The following MEGF10 variants were observed in gnomAD, a reference collection of about 807,000 sequenced individuals.
MEGF10 encodes the protein multiple EGF like domains 10.
MEGF10 carries 86 observed loss-of-function variants against 147.5 expected under a neutral mutation model. The observed-to-expected ratio is 0.58, with a 90% CI of 0.49 to 0.70. The LOEUF is 0.70. Ranked by LOEUF, MEGF10 falls within the 30% of genes least tolerant of loss-of-function variation. MEGF10 has a pLI of 0.00. For missense variants in MEGF10, 1,329 were observed against 1,487.3 expected (o/e 0.89, Z 1.75); for synonymous variants, 478 against 525.5 (o/e 0.91, Z 1.24).
chr5:127,312,486 A>T (rs1247944787), intron 1 of MEGF10, among the ~76,000 whole-genome samples: 1 of 152,212 alleles, frequency 6.6e-6, no homozygotes, highest in African/African-American at 2.4e-5. Flanking sequence ...AGAATAACAA[A>T]GTGCTTCATT....
the MEGF10 span, among the ~76,000 whole-genome samples, chr5:127,239,585 G>T: frequency 1.3e-5 from 2 of 150,884 alleles, no homozygotes; most frequent in Non-Finnish European, 2.9e-5. Context: ...GATGATTGTT[G>T]TAGTACTCTC....
intron 4 of MEGF10, among the ~76,000 whole-genome samples, chr5:127,351,841 A>G (rs907640120): frequency 5.3e-5 from 8 of 152,342 alleles, no homozygotes; most frequent in Admixed American, 4.6e-4. Context: ...TAGCCATGAG[A>G]CTTGCAAAGT....
At chr5:127,397,123 T>C (rs537452456) in intron 6 of MEGF10, among the ~76,000 whole-genome samples, 2 of 152,332 alleles carry the variant, frequency 1.3e-5, no homozygotes, top group South Asian at 4.1e-4. Context: ...CCCGAGAATA[T>C]GTTCATTTAT....
chr5:127,401,714 T>G (rs559189709), intron 7 of MEGF10, among the ~76,000 whole-genome samples: 6 of 152,344 alleles, frequency 3.9e-5, no homozygotes, highest in Non-Finnish European at 7.3e-5. Flanking sequence ...TGAGCCCAAG[T>G]GATACAGCCA....
chr5:127,422,783 A>C lies in MEGF10; in HGVS notation c.1693+11A>C, dbSNP rs1047991799. On this transcript the variant is annotated intron_variant, in intron 13 of 24. Coordinates refer to ENST00000503335, the MANE Select transcript of MEGF10 (RefSeq NM_001256545.2). The stretch of plus-strand genomic sequence containing the variant: ...TCCCCGGATGGTCAGGTGAGAGCCA[A>C]GGACCGCTAATTGAAAGGTGAAACC... 17 of 1,608,844 alleles carry C rather than the reference A, an allele frequency of 1.1e-5. No individual in the cohort carries two copies. Among genetic ancestry groups the C allele is most frequent in the Admixed American group, 1.7e-5 (1 of 59,830 alleles).
chr5:127,251,122 A>G, the MEGF10 span, among the ~76,000 whole-genome samples: 7,178 of 152,186 alleles, frequency 0.047, 285 homozygotes, highest in African/African-American at 0.1. Context: ...CAAATGGTAG[A>G]CAAAATAGCA....
At chr5:127,297,129 A>G (rs2585199) in intron 1 of MEGF10, among the ~76,000 whole-genome samples, 81,048 of 151,918 alleles carry the variant, frequency 0.53, 22,368 homozygotes, top group Middle Eastern at 0.63. Context: ...AACATATCTG[A>G]CTAATTTTTG....
intron 21 of MEGF10, among the ~76,000 whole-genome samples, chr5:127,448,344 T>A (rs1200434423): frequency 6.6e-6 from 1 of 152,200 alleles, no homozygotes; most frequent in Non-Finnish European, 1.5e-5. Flanking sequence ...ATTTTACAGA[T>A]GAGGAAACTG....
At chr5:127,365,570 A>C (rs1430963143) in intron 4 of MEGF10, among the ~76,000 whole-genome samples, 1 of 152,232 alleles carries the variant, frequency 6.6e-6, no homozygotes, top group Admixed American at 6.5e-5. Flanking sequence ...CAGACTGTCC[A>C]CAGCTTTCAT....
intron 16 of MEGF10, among the ~76,000 whole-genome samples, chr5:127,436,046 A>C (rs1765544118): frequency 6.6e-6 from 1 of 152,220 alleles, no homozygotes; most frequent in South Asian, 2.1e-4. Context: ...GACATCGACT[A>C]TAAGTCATTC....
intron 4 of MEGF10, among the ~76,000 whole-genome samples, chr5:127,352,448 G>A (rs1762116636): frequency 6.6e-6 from 1 of 152,156 alleles, no homozygotes; most frequent in Admixed American, 6.5e-5. Flanking sequence ...GATCACCTGA[G>A]GTCAGGAGTT....
chr5:127,396,896 G>C, intron 6 of MEGF10, 118 bp downstream of exon 6: 1 of 1,430,814 alleles, frequency 7.0e-7, no homozygotes, highest in South Asian at 1.4e-5. Flanking sequence ...AGTTACTGAT[G>C]GGTCTAGGCT....
At chr5:127,393,295 A>T (rs528802801) in intron 5 of MEGF10, among the ~76,000 whole-genome samples, 17 of 152,340 alleles carry the variant, frequency 1.1e-4, no homozygotes, top group Non-Finnish European at 2.2e-4. Flanking sequence ...ATAACTGGTC[A>T]AATTCTGCAC....
chr5:127,440,696 T>C, intron 17 of MEGF10, 43 bp from the exon 18 acceptor site: 1 of 1,605,990 alleles, frequency 6.2e-7, no homozygotes, highest in Admixed American at 1.7e-5. Flanking sequence ...AGTGTTTCTC[T>C]TCAGCAGCCT....
In MEGF10 at chr5:127,455,659, A is replaced by G. The variant is rs572236685; in HGVS notation, c.3232+52A>G. The G allele has an allele frequency of 4.1e-6, 6 of 1,472,496 alleles. No homozygotes were observed. The South Asian group carries it at 7.1e-5, about 17-fold the overall frequency. 91.2% of individuals were successfully genotyped at this position (1,472,496 alleles called of 1,614,324 possible). On this transcript the variant is annotated intron_variant, in intron 24 of 24. Coordinates refer to ENST00000503335, the MANE Select transcript of MEGF10 (RefSeq NM_001256545.2). ...CCGAGTGCTTAAGTTTTTAAAAACA[A>G]TTTTAAAGTCTTTACGAATATAATA...
intron 1 of MEGF10, among the ~76,000 whole-genome samples, chr5:127,305,605 C>T (rs1461534027): frequency 2.0e-5 from 3 of 151,850 alleles, no homozygotes; most frequent in Admixed American, 6.6e-5. Context: ...TTTTCTTCCG[C>T]CATTAAAAAA....
At chr5:127,450,947 C>T (rs1031686039) in intron 22 of MEGF10, among the ~76,000 whole-genome samples, 2 of 151,986 alleles carry the variant, frequency 1.3e-5, no homozygotes, top group Non-Finnish European at 2.9e-5. Flanking sequence ...TCAGTAGAGA[C>T]AGGGTTTCTC....
In MEGF10 at chr5:127,417,847, G is replaced by A; in HGVS notation, c.1305+35G>A. 3 of 1,604,034 alleles carry A rather than the reference G, an allele frequency of 1.9e-6. No individual in the cohort carries two copies. The South Asian group carries it at 3.4e-5, about 18-fold the overall frequency. ...TAGGGCTCTGGAGGAAGGAGAAGAGGGGTGCAGTGTGAAGCATCTCAATAC... is the reference window on the plus strand; with the variant it reads ...TAGGGCTCTGGAGGAAGGAGAAGAGAGGTGCAGTGTGAAGCATCTCAATAC... On this transcript the variant is annotated intron_variant, in intron 10 of 24. Transcript: ENST00000503335.
chr5:127,272,687 G>A, the MEGF10 span, among the ~76,000 whole-genome samples: 1 of 152,014 alleles, frequency 6.6e-6, no homozygotes, highest in Non-Finnish European at 1.5e-5. Flanking sequence ...TCTTTTTGTG[G>A]CAATTGTGAA....
Sources: gnomAD v4.1 joint callset for allele counts (sites outside exome capture counted in the v4.1 genomes callset) on GRCh38, gnomAD v4.1.1 for gene constraint, MANE v1.5 for transcripts, NCBI Gene and HGNC (gene_info 2026-07-23, HGNC 2026-07-21) for gene names.